Variants in RNLS observed in about 807,000 individuals in gnomAD.
RNLS encodes the protein renalase, FAD dependent amine oxidase.
Under a neutral mutation model 39.8 loss-of-function variants are expected in RNLS, and 39 were observed. The ratio of observed to expected loss-of-function variants is 0.98; its 90% CI spans 0.76 to 1.28. The LOEUF is 1.28. RNLS is among the 50% of genes most tolerant of loss of function. The pLI is 0.00. For missense variants in RNLS, 410 were observed against 413.3 expected (o/e 0.99, Z 0.07); for synonymous variants, 147 against 150.7 (o/e 0.98, Z 0.18).
the RNLS span, among the ~76,000 whole-genome samples, chr10:88,232,373 G>C: frequency 6.6e-6 from 1 of 152,196 alleles, no homozygotes. Context: ...CATAGAAAAA[G>C]AGGTGATTTT....
chr10:88,254,023 A>C, the RNLS span, among the ~76,000 whole-genome samples: 1 of 152,256 alleles, frequency 6.6e-6, no homozygotes. Flanking sequence ...CTTACCTTTA[A>C]AAGTGAGTTT....
the RNLS span, among the ~76,000 whole-genome samples, chr10:88,184,275 T>A: frequency 6.6e-6 from 1 of 152,124 alleles, no homozygotes; most frequent in African/African-American, 2.4e-5. Flanking sequence ...GATGATACCT[T>A]ATTCAACTAC....
chr10:88,358,373 T>A (rs910802210), intron 5 of RNLS, among the ~76,000 whole-genome samples: 1 of 152,186 alleles, frequency 6.6e-6, no homozygotes, highest in Non-Finnish European at 1.5e-5. Context: ...CTCAAATATA[T>A]ACTTGGGAAC....
chr10:88,423,406 T>C (rs1162858864), intron 4 of RNLS, among the ~76,000 whole-genome samples: 1 of 152,240 alleles, frequency 6.6e-6, no homozygotes, highest in Non-Finnish European at 1.5e-5. Flanking sequence ...TTAACACTTC[T>C]TTAGAAACTA....
chr10:88,410,781 G>A (rs922633611), intron 4 of RNLS, among the ~76,000 whole-genome samples: 7 of 152,108 alleles, frequency 4.6e-5, no homozygotes, highest in East Asian at 3.9e-4. Context: ...CAACACCCCC[G>A]CTTACACTGT....
At chr10:88,229,314 C>T in the RNLS span, among the ~76,000 whole-genome samples, 99 of 152,290 alleles carry the variant, frequency 6.5e-4, no homozygotes, top group Non-Finnish European at 1.3e-3. Context: ...TGTATCAGTT[C>T]TGGCTTCTGT....
At chr10:88,226,618 A>T in the RNLS span, among the ~76,000 whole-genome samples, 1 of 152,052 alleles carries the variant, frequency 6.6e-6, no homozygotes, top group African/African-American at 2.4e-5. Context: ...AATCAATTCA[A>T]TGTCTGGGTA....
chr10:88,362,428 TC>T, intron 5 of RNLS, 123 bp downstream of exon 5: 1 of 809,244 alleles, frequency 1.2e-6, no homozygotes, highest in East Asian at 2.7e-5. Context: ...TTAAATTTTA[TC>T]CCCTGTGGCT....
At chr10:88,210,452 C>T in the RNLS span, among the ~76,000 whole-genome samples, 1 of 152,104 alleles carries the variant, frequency 6.6e-6, no homozygotes, top group Non-Finnish European at 1.5e-5. Context: ...GAATGCAGAG[C>T]GAGGCTTGGG....
intron 6 of RNLS, among the ~76,000 whole-genome samples, chr10:88,313,502 A>G (rs1012926849): frequency 2.0e-5 from 3 of 152,218 alleles, no homozygotes; most frequent in Non-Finnish European, 4.4e-5. Flanking sequence ...TTCCCCAAAG[A>G]TTCACTGTGT....
rs146760946 is a variant in RNLS, at chr10:88,543,787, A to G, written c.526+29116T>C. On this transcript the variant is annotated intron_variant, in intron 4 of 6. Transcript: ENST00000331772. ...ACCAGTGGGTTCCTACAAGTTAGTC[A>G]CTAAAAACCAGTTTGTAAAATAGGT... Among the ~76,000 whole-genome samples the G allele has an allele frequency of 5.4e-4, 82 of 152,298 alleles. 1 individual carries two copies. Among genetic ancestry groups the G allele is most frequent in the African/African-American group, 1.9e-3 (77 of 41,572 alleles).
chr10:88,572,836 C>G (rs1179817545), intron 4 of RNLS, 67 bp downstream of exon 4: 8 of 1,550,792 alleles, frequency 5.2e-6, no homozygotes, highest in African/African-American at 1.4e-5. Flanking sequence ...GAGAGTTAAA[C>G]CAAATTCATG....
chr10:88,506,271 G>A (rs544779653), intron 4 of RNLS, among the ~76,000 whole-genome samples: 1 of 152,228 alleles, frequency 6.6e-6, no homozygotes, highest in South Asian at 2.1e-4. Context: ...AATACAATGA[G>A]TAGATTTTAA....
At chr10:88,504,482 T>C (rs1039711015) in intron 4 of RNLS, among the ~76,000 whole-genome samples, 4 of 152,102 alleles carry the variant, frequency 2.6e-5, no homozygotes, top group Non-Finnish European at 5.9e-5. Context: ...AACCTGAAAC[T>C]AGTAAATACA....
At chr10:88,445,733 A>C (rs1056992327) in intron 4 of RNLS, among the ~76,000 whole-genome samples, 12 of 152,228 alleles carry the variant, frequency 7.9e-5, no homozygotes, top group Admixed American at 7.2e-4. Flanking sequence ...TTACATAACG[A>C]TAAAGAGATC....
At chr10:88,504,284 G>C (rs1845664145) in intron 4 of RNLS, among the ~76,000 whole-genome samples, 1 of 151,966 alleles carries the variant, frequency 6.6e-6, no homozygotes, top group Non-Finnish European at 1.5e-5. Context: ...ATGTACCTGT[G>C]AGAAAAAAGA....
the RNLS span, among the ~76,000 whole-genome samples, chr10:88,189,008 T>G: frequency 6.6e-6 from 1 of 152,202 alleles, no homozygotes; most frequent in African/African-American, 2.4e-5. Context: ...CTTAAACTGG[T>G]TCTTTGATCC....
chr10:88,428,683 G>C (rs1854960193), intron 4 of RNLS, among the ~76,000 whole-genome samples: 1 of 152,036 alleles, frequency 6.6e-6, no homozygotes, highest in South Asian at 2.1e-4. Flanking sequence ...TATAGAACTG[G>C]GGCAAATGCC....
intron 4 of RNLS, among the ~76,000 whole-genome samples, chr10:88,386,165 A>G (rs763293685): frequency 7.9e-5 from 12 of 152,202 alleles, no homozygotes; most frequent in Non-Finnish European, 1.5e-4. Flanking sequence ...CTTAAACTCT[A>G]ACAAAAAATA....
Sources: gnomAD v4.1 joint callset for allele counts (sites outside exome capture counted in the v4.1 genomes callset) on GRCh38, gnomAD v4.1.1 for gene constraint, MANE v1.5 for transcripts, NCBI Gene and HGNC (gene_info 2026-07-23, HGNC 2026-07-21) for gene names.